ADGRG5: variants seen among roughly 807,000 people sequenced by gnomAD.
ADGRG5 encodes adhesion G protein-coupled receptor G5.
In ADGRG5, 37 loss-of-function variants were observed where a neutral mutation model predicts 53.2. The ratio of observed to expected loss-of-function variants is 0.70; its 90% CI spans 0.53 to 0.91. ADGRG5 has a LOEUF of 0.91. ADGRG5 is among the 40% of genes least tolerant of loss of function. The pLI is 0.00. For synonymous variants in ADGRG5, 277 were observed against 290.4 expected (o/e 0.95, Z 0.47); for missense variants, 614 against 675.8 (o/e 0.91, Z 1.01).
intron 9 of ADGRG5, among the ~76,000 whole-genome samples, chr16:57,568,889 C>T (rs1596795476): frequency 6.6e-6 from 1 of 151,288 alleles, no homozygotes; most frequent in South Asian, 2.1e-4. Flanking sequence ...ACCTCCTCCA[C>T]CTCTATCACC....
At chr16:57,531,581 C>T in the ADGRG5 span, among the ~76,000 whole-genome samples, 7 of 152,136 alleles carry the variant, frequency 4.6e-5, no homozygotes, top group African/African-American at 1.7e-4. Flanking sequence ...ACTCTGATGG[C>T]CCCTCCCTGT....
At chr16:57,566,520 C>A in intron 6 of ADGRG5, 79 bp from the exon 7 acceptor site, 1 of 1,245,832 alleles carries the variant, frequency 8.0e-7, no homozygotes, top group Non-Finnish European at 1.1e-6. Flanking sequence ...GTTGAGTCAC[C>A]GTTGGCCCCC....
intron 11 of ADGRG5, 88 bp downstream of exon 11, chr16:57,575,180 G>A: frequency 7.2e-7 from 1 of 1,392,628 alleles, no homozygotes; most frequent in Non-Finnish European, 9.8e-7. Context: ...TTCAGGTGAA[G>A]GGGGCGAGTG....
rs1339179364 is a variant in ADGRG5 at position 57,562,126 on chromosome 16, G to T, written c.33G>T (p.Leu11=). Residue 11 remains leucine (L), a synonymous_variant, in exon 2 of 12, where the codon CTG becomes CTT. Coordinates refer to ENST00000349457, the MANE Select transcript of ADGRG5 (RefSeq NM_001304376.3). ...ACTGTGGTGCCCTTTTCCTGTGCCTGTGCCTTCTGACTTTGCAGAATGCAA... is the reference window on the plus strand; with the variant it reads ...ACTGTGGTGCCCTTTTCCTGTGCCTTTGCCTTCTGACTTTGCAGAATGCAA... MDHCGALFLC[L]CLLTLQNATT... 1 of 1,602,170 alleles carries T rather than the reference G, an allele frequency of 6.2e-7. No individual in the cohort carries two copies. Among genetic ancestry groups the T allele is most frequent in the African/African-American group, 1.3e-5 (1 of 74,696 alleles).
chr16:57,566,236 G>A (rs1376395261), intron 6 of ADGRG5: 2 of 185,082 alleles, frequency 1.1e-5, no homozygotes, highest in Non-Finnish European at 1.1e-5. Flanking sequence ...TTCCCCATGG[G>A]GAGGAAGGGA....
At chr16:57,532,696 CAG>C in the ADGRG5 span, among the ~76,000 whole-genome samples, 1 of 54,188 alleles carries the variant, frequency 1.8e-5, no homozygotes, top group South Asian at 8.3e-4. Flanking sequence ...CCAAGTGAAG[CAG>C]ACACACACAC....
chr16:57,547,904 C>A (rs577608358), intron 1 of ADGRG5, among the ~76,000 whole-genome samples: 3 of 152,158 alleles, frequency 2.0e-5, no homozygotes, highest in African/African-American at 2.4e-5. Flanking sequence ...TGTGCCAACA[C>A]GCCTGGCTAA....
At chr16:57,550,264 C>T (rs1234198348) in intron 1 of ADGRG5, among the ~76,000 whole-genome samples, 2 of 152,200 alleles carry the variant, frequency 1.3e-5, no homozygotes, top group Non-Finnish European at 2.9e-5. Context: ...AGGCATGAGC[C>T]ACCGCGCCCG....
intron 9 of ADGRG5, among the ~76,000 whole-genome samples, chr16:57,570,196 C>T (rs1328730016): frequency 6.6e-6 from 1 of 152,216 alleles, no homozygotes; most frequent in Non-Finnish European, 1.5e-5. Context: ...GACCACTCCT[C>T]CCTCCACCAC....
intron 1 of ADGRG5, among the ~76,000 whole-genome samples, chr16:57,547,710 G>T (rs1268755412): frequency 6.6e-6 from 1 of 152,162 alleles, no homozygotes; most frequent in Non-Finnish European, 1.5e-5. Flanking sequence ...GCCTCCCAGA[G>T]TGCTGGGATT....
chr16:57,534,937 G>A, the ADGRG5 span, among the ~76,000 whole-genome samples: 16 of 152,244 alleles, frequency 1.1e-4, no homozygotes, highest in African/African-American at 3.6e-4. Flanking sequence ...CTCCATATCA[G>A]TGAGAGGAAT....
chr16:57,553,241 A>G (rs918055403), intron 1 of ADGRG5, among the ~76,000 whole-genome samples: 1 of 152,192 alleles, frequency 6.6e-6, no homozygotes, highest in Non-Finnish European at 1.5e-5. Context: ...GCAATCTTCA[A>G]TTTGTAAAAA....
chr16:57,567,677 T>C (rs2033174211), intron 8 of ADGRG5, 86 bp downstream of exon 8: 1 of 1,522,786 alleles, frequency 6.6e-7, no homozygotes, highest in Non-Finnish European at 8.9e-7. Flanking sequence ...TAGAACTGGG[T>C]GTGCTTCTCC....
chr16:57,575,155 T>A, intron 11 of ADGRG5, 63 bp downstream of exon 11: 2 of 1,549,708 alleles, frequency 1.3e-6, no homozygotes, highest in African/African-American at 1.4e-5. Context: ...GGTGGGATGT[T>A]CACTGCTAAA....
At chr16:57,566,557 C>T (rs2033135327) in intron 6 of ADGRG5, 42 bp from the exon 7 acceptor site, 1 of 1,396,914 alleles carries the variant, frequency 7.2e-7, no homozygotes, top group Non-Finnish European at 9.4e-7. Flanking sequence ...GATCTGCAGC[C>T]TTTCCTCTGC....
chr16:57,544,218 A>T lies in ADGRG5; in HGVS notation c.-39+1517A>T, dbSNP rs1242152365. Among the ~76,000 whole-genome samples the T allele has an allele frequency of 2.0e-5, 3 of 151,856 alleles. No homozygotes were observed. The East Asian group carries it at 5.8e-4, about 29-fold the overall frequency. On this transcript the variant is annotated intron_variant, in intron 1 of 11. Transcript: ENST00000349457. ...TGGCCTGCTGTAGAACCTCAAGCAG[A>T]CTCCTCTTACGCAGTATTCGGTTTC...
At chr16:57,559,073 C>G (rs1322866220) in intron 1 of ADGRG5, among the ~76,000 whole-genome samples, 1 of 151,616 alleles carries the variant, frequency 6.6e-6, no homozygotes, top group Non-Finnish European at 1.5e-5. Flanking sequence ...TGGTCTCGAA[C>G]CCCTAGGCTC....
rs140972510 is a variant in ADGRG5 at position 57,544,654 on chromosome 16, GGT to G, written c.-39+1955_-39+1956del. Among the ~76,000 whole-genome samples the G allele has an allele frequency of 1.1e-3, 170 of 152,272 alleles. 5 individuals are homozygous for G. The South Asian group carries it at 0.025, about 23-fold the overall frequency. On this transcript the variant is annotated intron_variant, in intron 1 of 11. Transcript: ENST00000349457. ...AGTTTCACCAACAGTATAGTGAAGG[GGT>G]GGACAAATTGGCCCAAGATCCTTTC...
intron 1 of ADGRG5, chr16:57,543,091 C>T (rs752495825): frequency 2.6e-5 from 4 of 152,064 alleles, no homozygotes; most frequent in Non-Finnish European, 5.9e-5. Context: ...GGACCTGGCA[C>T]ACAGTTTGTG....
Sources: gnomAD v4.1 joint callset for allele counts (sites outside exome capture counted in the v4.1 genomes callset) on GRCh38, gnomAD v4.1.1 for gene constraint, MANE v1.5 for transcripts, NCBI Gene and HGNC (gene_info 2026-07-23, HGNC 2026-07-21) for gene names.